DDX60: variants seen among roughly 807,000 people sequenced by gnomAD.
The protein encoded by DDX60 is probable ATP-dependent RNA helicase DDX60.
DDX60 carries 165 observed loss-of-function variants against 212.8 expected under a neutral mutation model. The ratio of observed to expected loss-of-function variants is 0.78; its 90% CI spans 0.68 to 0.88. DDX60 has a LOEUF of 0.88. DDX60 is among the 40% of genes least tolerant of loss of function. DDX60 has a pLI of 0.00. For synonymous variants in DDX60, 703 were observed against 685.3 expected, an observed-to-expected ratio of 1.03 and a Z score of -0.40; for missense variants, 1,905 against 2,003.9, an observed-to-expected ratio of 0.95 and a Z score of 0.94.
intron 6 of DDX60, among the ~76,000 whole-genome samples, chr4:168,298,434 A>C (rs1358804792): frequency 6.6e-6 from 1 of 152,220 alleles, no homozygotes; most frequent in Non-Finnish European, 1.5e-5. Context: ...AAGAGAGCAG[A>C]AGTTAGTATC....
At position 168,297,504 on chromosome 4, in the gene DDX60, T is replaced by C. The variant is rs78951735; in HGVS notation, c.724-3559A>G. Among the ~76,000 whole-genome samples, 1,365 of 151,868 alleles carry C rather than the reference T, an allele frequency of 9.0e-3. 12 individuals carry two copies. Among genetic ancestry groups the C allele is most frequent in the Non-Finnish European group, 0.015 (1,049 of 67,922 alleles). ...GATGCCCAAAGGAGAATAATCTCAA[T>C]AAAATTTAATGAAGACAGGTAGGAA... On this transcript the variant is annotated intron_variant, in intron 6 of 37. Coordinates refer to ENST00000393743, the MANE Select transcript of DDX60 (RefSeq NM_017631.6).
rs759054592 is a variant in DDX60 at position 168,270,875 on chromosome 4, CTTTTTTTT to C, written c.2670+1160_2670+1167del. Among the ~76,000 whole-genome samples, 5 of 110,862 alleles carry C rather than the reference CTTTTTTTT, an allele frequency of 4.5e-5. No homozygotes were observed. In the South Asian group the frequency reaches 1.5e-3, roughly 32 times the overall value. The allele number at this position is 110,862 out of a possible 152,430, so 72.7% of individuals were successfully genotyped here. A position where few individuals can be genotyped will look rare whatever the true frequency, so the allele number is the denominator to read the frequency against. On this transcript the variant is annotated intron_variant, in intron 19 of 37. Coordinates refer to ENST00000393743, the MANE Select transcript of DDX60 (RefSeq NM_017631.6). Reference sequence around the variant, plus strand: ...TATTCCCCCTTTTTTTTCTTTCTTTCTTTTTTTTTTTTTTTTTTTGGAGATGGAGTTTC... The same window carrying C: ...TATTCCCCCTTTTTTTTCTTTCTTTCTTTTTTTTTTTGGAGATGGAGTTTC...
intron 32 of DDX60, 49 bp from the exon 33 acceptor site, chr4:168,236,422 AT>A (rs1733633910): frequency 6.8e-7 from 1 of 1,466,884 alleles, no homozygotes; most frequent in Non-Finnish European, 9.2e-7. Context: ...GTATAATTCT[AT>A]TTTTTCATGT....
chr4:168,311,204 T>C (rs1737119177), intron 2 of DDX60, 52 bp downstream of exon 2: 1 of 1,588,392 alleles, frequency 6.3e-7, no homozygotes, highest in Non-Finnish European at 8.6e-7. Context: ...TCTATGTAGT[T>C]TACAGGGTAA....
chr4:168,260,787 G>A (rs1202144553), intron 25 of DDX60, 78 bp downstream of exon 25: 12 of 1,275,260 alleles, frequency 9.4e-6, no homozygotes, highest in Non-Finnish European at 1.3e-5. Context: ...TCTGTGGCCT[G>A]GAGGTTGGGG....
chr4:168,252,750 C>T, intron 26 of DDX60, 94 bp from the exon 27 acceptor site: 5 of 882,356 alleles, frequency 5.7e-6, no homozygotes, highest in Non-Finnish European at 8.6e-6. Flanking sequence ...CCAAGACTTC[C>T]CAAGTCAGTC....
Position 168,218,426 on chromosome 4 carries a change from G to A in DDX60, c.5040-1394C>T, listed in dbSNP as rs1366595021. On this transcript the variant is annotated intron_variant, in intron 37 of 37. Coordinates refer to ENST00000393743, the MANE Select transcript of DDX60 (RefSeq NM_017631.6). ...TTACCAATTTCTTGAATTTTACCTC[G>A]TAAATATTTTTCTGATCACTCTTCT... 3.3e-5 allele frequency among the ~76,000 whole-genome samples: 5 copies of A among 151,922 alleles called. No individual in the cohort carries two copies. In the East Asian group the frequency reaches 5.8e-4, roughly 18 times the overall value.
intron 24 of DDX60, among the ~76,000 whole-genome samples, chr4:168,261,632 G>A (rs901865060): frequency 6.6e-6 from 1 of 152,142 alleles, no homozygotes; most frequent in Non-Finnish European, 1.5e-5. Context: ...ACAATAAACT[G>A]CAAGTCAAAA....
intron 30 of DDX60, 140 bp from the exon 31 acceptor site, chr4:168,237,935 AT>A: frequency 1.7e-6 from 1 of 599,762 alleles, no homozygotes; most frequent in Non-Finnish European, 2.7e-6. Flanking sequence ...ATTTCATATT[AT>A]TTTATAGTGT....
intron 5 of DDX60, among the ~76,000 whole-genome samples, chr4:168,304,144 G>A (rs1736773957): frequency 6.6e-6 from 1 of 152,152 alleles, no homozygotes; most frequent in African/African-American, 2.4e-5. Flanking sequence ...TTTTAAAACA[G>A]CTGCCAAACA....
intron 12 of DDX60, among the ~76,000 whole-genome samples, chr4:168,284,026 T>TA (rs1379346848): frequency 2.0e-5 from 3 of 152,194 alleles, no homozygotes; most frequent in Non-Finnish European, 4.4e-5. Context: ...GCATGGCAGC[T>TA]AAAATGGTAA....
chr4:168,312,725 C>CATAGATAGATAGATAGATAGATAG (rs1416871907), intron 1 of DDX60, among the ~76,000 whole-genome samples: 4 of 59,844 alleles, frequency 6.7e-5, no homozygotes, highest in African/African-American at 1.1e-4. Flanking sequence ...ATGATGGATA[C>CATAGATAGATAGATAGATAGATAG]ACAGATAGAT....
At chr4:168,284,280 T>G (rs1735723856) in intron 12 of DDX60, among the ~76,000 whole-genome samples, 1 of 152,184 alleles carries the variant, frequency 6.6e-6, no homozygotes, top group African/African-American at 2.4e-5. Context: ...TGCCTACTCC[T>G]AGGTTATTCT....
the DDX60 span, among the ~76,000 whole-genome samples, chr4:168,325,700 C>T: frequency 6.6e-6 from 1 of 152,152 alleles, no homozygotes; most frequent in Admixed American, 6.5e-5. Flanking sequence ...TAAGAATATG[C>T]CAGTTCCATA....
Position 168,258,463 on chromosome 4 carries a change from C to CAA in DDX60, c.3398+2400_3398+2401dup, listed in dbSNP as rs1424424016. ...ATTTTTTTTTTAAGAGATCAGACTG[C>CAA]AAAAGGCTTAAGGGTACACTACTAT... On this transcript the variant is annotated intron_variant, in intron 25 of 37. Transcript: ENST00000393743. Among the ~76,000 whole-genome samples the CAA allele has an allele frequency of 2.0e-5, 3 of 151,790 alleles. No individual in the cohort carries two copies. The East Asian group carries it at 5.8e-4, about 30-fold the overall frequency.
At chr4:168,311,395 T>C in intron 1 of DDX60, 30 bp from the exon 2 acceptor site, 2 of 856,730 alleles carry the variant, frequency 2.3e-6, no homozygotes, top group East Asian at 2.6e-5. Context: ...AATGAGTCTT[T>C]ATTCAACAAA....
At chr4:168,245,890 C>T (rs982141098) in intron 30 of DDX60, among the ~76,000 whole-genome samples, 28 of 151,882 alleles carry the variant, frequency 1.8e-4, no homozygotes, top group African/African-American at 6.3e-4. Flanking sequence ...ATCAAATGCA[C>T]ACCCATGCCT....
At chr4:168,280,909 G>C (rs1412472509) in intron 13 of DDX60, among the ~76,000 whole-genome samples, 1 of 152,160 alleles carries the variant, frequency 6.6e-6, no homozygotes, top group Admixed American at 6.5e-5. Context: ...GGAGGCTGAG[G>C]CTGGAGGATC....
intron 7 of DDX60, among the ~76,000 whole-genome samples, chr4:168,293,520 T>C (rs1189167590): frequency 6.6e-6 from 1 of 152,174 alleles, no homozygotes; most frequent in Admixed American, 6.5e-5. Context: ...CTCCACCAAG[T>C]GCTAATATCC....
Sources: allele counts gnomAD v4.1 joint callset (sites outside exome capture counted in the v4.1 genomes callset), GRCh38; gene constraint gnomAD v4.1.1; transcripts MANE v1.5; gene names NCBI Gene and HGNC (gene_info 2026-07-23, HGNC 2026-07-21).